The following FSTL5 variants were observed in gnomAD, a reference collection of about 807,000 sequenced individuals.
FSTL5 encodes follistatin-related protein 5.
In FSTL5, 62 loss-of-function variants were observed where a neutral mutation model predicts 89.1. That is an observed-to-expected ratio of 0.70 (90% CI 0.57 to 0.86). FSTL5 has a LOEUF of 0.86. FSTL5 is among the 40% of genes least tolerant of loss of function. The pLI, the probability that FSTL5 is intolerant of heterozygous loss-of-function variation, is 0.00. For missense variants in FSTL5, 1,057 were observed against 1,001.6 expected (o/e 1.06, Z -0.75); for synonymous variants, 383 against 346.2 (o/e 1.11, Z -1.18).
At position 162,093,996 on chromosome 4, in the gene FSTL5, C is replaced by T. The variant is rs182864953; in HGVS notation, c.126+17275G>A. On this transcript the variant is annotated intron_variant, in intron 2 of 15. Transcript: ENST00000306100. ...TCACATCTCATCGTTTCTAGGTAGA[C>T]AAAATAAAGCTAAAATTAAAATAAT... Among the ~76,000 whole-genome samples, 173 of 152,066 alleles carry T rather than the reference C, an allele frequency of 1.1e-3. 1 individual carries two copies. Among genetic ancestry groups the T allele is most frequent in the African/African-American group, 3.6e-3 (150 of 41,484 alleles).
chr4:161,551,358 G>GT, intron 8 of FSTL5, among the ~76,000 whole-genome samples: 1 of 150,746 alleles, frequency 6.6e-6, no homozygotes, highest in Admixed American at 6.7e-5. Context: ...TTTTTCATGT[G>GT]TTTTTTGGCT....
chr4:162,058,091 G>T (rs992614695), intron 2 of FSTL5, among the ~76,000 whole-genome samples: 1 of 152,144 alleles, frequency 6.6e-6, no homozygotes, highest in Non-Finnish European at 1.5e-5. Flanking sequence ...CATATTTAAT[G>T]ATTCCATTTA....
At chr4:162,045,327 T>A (rs1738129525) in intron 2 of FSTL5, among the ~76,000 whole-genome samples, 1 of 152,060 alleles carries the variant, frequency 6.6e-6, no homozygotes, top group African/African-American at 2.4e-5. Context: ...GGCAGAGCAG[T>A]CACAACACAC....
chr4:161,560,938 T>C (rs768445736), intron 8 of FSTL5, among the ~76,000 whole-genome samples: 67 of 152,010 alleles, frequency 4.4e-4, no homozygotes, highest in Non-Finnish European at 1.3e-4. Context: ...TCATTTATTA[T>C]TATTATTATC....
intron 2 of FSTL5, among the ~76,000 whole-genome samples, chr4:162,041,488 T>C (rs941877628): frequency 3.3e-5 from 5 of 152,138 alleles, no homozygotes; most frequent in African/African-American, 1.2e-4. Flanking sequence ...TGAATATATA[T>C]ATATATAACA....
chr4:161,652,707 C>G (rs1208347946), intron 7 of FSTL5, among the ~76,000 whole-genome samples: 1 of 151,640 alleles, frequency 6.6e-6, no homozygotes, highest in Non-Finnish European at 1.5e-5. Flanking sequence ...AAATGAAGGG[C>G]AGTTATGTTT....
At chr4:161,705,303 C>G (rs1738531199) in intron 6 of FSTL5, among the ~76,000 whole-genome samples, 1 of 151,974 alleles carries the variant, frequency 6.6e-6, no homozygotes, top group Non-Finnish European at 1.5e-5. Flanking sequence ...GTTATGACAA[C>G]TGATTAGAGA....
chr4:161,978,558 C>G (rs1735729611), intron 3 of FSTL5, among the ~76,000 whole-genome samples: 1 of 152,046 alleles, frequency 6.6e-6, no homozygotes, highest in Non-Finnish European at 1.5e-5. Flanking sequence ...ACGTCATGAA[C>G]TTTACCCTTA....
At chr4:162,120,139 C>T (rs1731795533) in intron 1 of FSTL5, among the ~76,000 whole-genome samples, 1 of 152,048 alleles carries the variant, frequency 6.6e-6, no homozygotes. Context: ...TTTCAATCAC[C>T]AGCTTAATTT....
chr4:161,991,707 A>G (rs939981211), intron 3 of FSTL5, among the ~76,000 whole-genome samples: 7 of 152,134 alleles, frequency 4.6e-5, no homozygotes, highest in African/African-American at 1.7e-4. Context: ...TTGAGTATGC[A>G]TGGATTTTGG....
intron 4 of FSTL5, among the ~76,000 whole-genome samples, chr4:161,865,304 A>G (rs1469924100): frequency 6.6e-6 from 1 of 152,244 alleles, no homozygotes; most frequent in Admixed American, 6.5e-5. Context: ...AACTATGGGG[A>G]AAAGTCCACA....
intron 2 of FSTL5, among the ~76,000 whole-genome samples, chr4:162,097,021 T>C (rs1196813844): frequency 2.6e-5 from 4 of 151,918 alleles, no homozygotes; most frequent in Non-Finnish European, 4.4e-5. Flanking sequence ...AAATACAAGA[T>C]GATAAAGCAA....
chr4:161,889,596 A>T (rs1484497738), intron 4 of FSTL5, among the ~76,000 whole-genome samples: 1 of 152,198 alleles, frequency 6.6e-6, no homozygotes, highest in Non-Finnish European at 1.5e-5. Flanking sequence ...GTGAGCCAAG[A>T]TCGTGCCATT....
At chr4:161,398,955 C>T (rs1195449276) in intron 15 of FSTL5, among the ~76,000 whole-genome samples, 1 of 151,952 alleles carries the variant, frequency 6.6e-6, no homozygotes, top group African/African-American at 2.4e-5. Flanking sequence ...ATGTAAATGA[C>T]AAATGATATA....
chr4:161,615,327 A>G (rs1734820347), intron 7 of FSTL5, among the ~76,000 whole-genome samples: 2 of 136,910 alleles, frequency 1.5e-5, no homozygotes, highest in Admixed American at 7.3e-5. Context: ...TTAGCTGGGC[A>G]TGGTGGCAGG....
chr4:161,936,798 C>T (rs1456311508), intron 3 of FSTL5, among the ~76,000 whole-genome samples: 1 of 152,118 alleles, frequency 6.6e-6, no homozygotes, highest in Non-Finnish European at 1.5e-5. Flanking sequence ...AAGCAGCCCT[C>T]TACCACAGTG....
At chr4:161,880,177 T>C (rs544044581) in intron 4 of FSTL5, among the ~76,000 whole-genome samples, 1 of 152,166 alleles carries the variant, frequency 6.6e-6, no homozygotes, top group South Asian at 2.1e-4. Context: ...AAAGGTAAAT[T>C]TTACTGCATG....
intron 11 of FSTL5, among the ~76,000 whole-genome samples, chr4:161,504,862 C>G (rs1730422384): frequency 6.6e-6 from 1 of 151,898 alleles, no homozygotes. Flanking sequence ...TGGATATATA[C>G]TATGTAATCT....
intron 3 of FSTL5, among the ~76,000 whole-genome samples, chr4:161,938,991 C>CT (rs1275299092): frequency 4.0e-5 from 6 of 151,408 alleles, no homozygotes; most frequent in African/African-American, 1.5e-4. Flanking sequence ...GTTAAAAGGG[C>CT]AATTAGCATA....
Sources: gnomAD v4.1 joint callset for allele counts (sites outside exome capture counted in the v4.1 genomes callset) on GRCh38, gnomAD v4.1.1 for gene constraint, MANE v1.5 for transcripts, NCBI Gene and HGNC (gene_info 2026-07-23, HGNC 2026-07-21) for gene names.